NEBL: variants seen among roughly 807,000 people sequenced by gnomAD.
NEBL encodes the protein nebulette, also known as LIM and SH3 protein 2.
NEBL carries 122 observed loss-of-function variants against 140.2 expected under a neutral mutation model. The observed-to-expected ratio is 0.87, with a 90% CI of 0.75 to 1.01. The LOEUF is 1.01. NEBL is among the 50% of genes least tolerant of loss of function. The pLI, the probability that NEBL is intolerant of heterozygous loss-of-function variation, is 0.00. For synonymous variants in NEBL, 436 were observed against 398.9 expected, an observed-to-expected ratio of 1.09 and a Z score of -1.11; for missense variants, 1,365 against 1,231.3, an observed-to-expected ratio of 1.11 and a Z score of -1.62.
At chr10:20,913,565 G>A (rs184653174) in intron 4 of NEBL, among the ~76,000 whole-genome samples, 199 of 152,228 alleles carry the variant, frequency 1.3e-3, no homozygotes, top group Non-Finnish European at 2.2e-3. Context: ...AAAATGTTCA[G>A]TTTACTGGAA....
intron 3 of NEBL, among the ~76,000 whole-genome samples, chr10:21,013,925 G>A (rs752960288): frequency 1.3e-5 from 2 of 151,966 alleles, no homozygotes; most frequent in African/African-American, 4.8e-5. Flanking sequence ...ATTAAAAAAT[G>A]GGGAAAATGG....
At chr10:21,261,675 G>C (rs1842740973) in intron 1 of NEBL, among the ~76,000 whole-genome samples, 1 of 151,518 alleles carries the variant, frequency 6.6e-6, no homozygotes, top group South Asian at 2.1e-4. Flanking sequence ...AGAAAGAAAA[G>C]AAAAAAGTGT....
intron 2 of NEBL, among the ~76,000 whole-genome samples, chr10:21,115,011 T>C (rs58052801): frequency 6.6e-6 from 1 of 152,032 alleles, no homozygotes; most frequent in Non-Finnish European, 1.5e-5. Flanking sequence ...TAATTAAGTG[T>C]TTTTTATGAT....
intron 26 of NEBL, among the ~76,000 whole-genome samples, chr10:20,792,877 C>G (rs750352455): frequency 1.3e-4 from 20 of 152,154 alleles, no homozygotes; most frequent in Middle Eastern, 3.4e-3. Flanking sequence ...AACACACGGC[C>G]ATGGTATGGA....
At chr10:21,292,738 G>A (rs1843162140) in intron 1 of NEBL, among the ~76,000 whole-genome samples, 1 of 152,150 alleles carries the variant, frequency 6.6e-6, no homozygotes, top group Non-Finnish European at 1.5e-5. Flanking sequence ...CTTGTGAAAG[G>A]AAAGCTCATC....
At chr10:21,225,415 A>G (rs1179647385) in intron 3 of NEBL, among the ~76,000 whole-genome samples, 1 of 152,160 alleles carries the variant, frequency 6.6e-6, no homozygotes, top group Non-Finnish European at 1.5e-5. Flanking sequence ...TCAAGGACCT[A>G]GGGCTCTACA....
intron 1 of NEBL, among the ~76,000 whole-genome samples, chr10:21,289,543 C>T (rs1843114346): frequency 6.6e-6 from 1 of 152,114 alleles, no homozygotes; most frequent in African/African-American, 2.4e-5. Flanking sequence ...GGACGTTGTC[C>T]CTTACTGGTG....
At chr10:21,150,676 C>T (rs1290357708) in intron 2 of NEBL, among the ~76,000 whole-genome samples, 1 of 152,172 alleles carries the variant, frequency 6.6e-6, no homozygotes, top group African/African-American at 2.4e-5. Flanking sequence ...ATTACATGTT[C>T]CTAATTAATC....
rs780544476 is a variant in NEBL, at chr10:20,828,633, C to T, written c.1673G>A (p.Arg558Lys). Residue 558 changes from arginine (R) to lysine (K), a missense_variant and splice_region_variant, in exon 17 of 28, where the codon AGA becomes AAA. Physicochemically the swap from Arg to Lys is conservative, Grantham distance 26 (BLOSUM62 2). Around this residue, in one of 2 missense-constraint regions of NEBL, gnomAD observed 1,323 missense variants for 1,154.8 expected, o/e 1.15. Transcript: ENST00000377122. ...AKRTSEIYSQ[R>K]KYKDEAEKML... ...CTTCTCTGCTTCATCTTTATACTTTCTCTAAAAACATAAACAGTTAATATA... is the reference window on the plus strand; with the variant it reads ...CTTCTCTGCTTCATCTTTATACTTTTTCTAAAAACATAAACAGTTAATATA... 6.5e-7 allele frequency: 1 copy of T among 1,540,030 alleles called. No homozygotes were observed. Among genetic ancestry groups the T allele is most frequent in the Non-Finnish European group, 9.0e-7 (1 of 1,114,118 alleles).
At chr10:21,001,848 A>C (rs1443368465) in intron 3 of NEBL, among the ~76,000 whole-genome samples, 1 of 152,204 alleles carries the variant, frequency 6.6e-6, no homozygotes, top group Non-Finnish European at 1.5e-5. Flanking sequence ...GTTAGGTAGC[A>C]ATCTGATGTA....
intron 3 of NEBL, among the ~76,000 whole-genome samples, chr10:20,988,776 A>C (rs1315144760): frequency 6.6e-6 from 1 of 152,178 alleles, no homozygotes. Flanking sequence ...GTCCCACCAC[A>C]CCATGGAAAC....
At chr10:20,968,248 C>T (rs1288691213) in intron 3 of NEBL, among the ~76,000 whole-genome samples, 1 of 151,566 alleles carries the variant, frequency 6.6e-6, no homozygotes, top group Non-Finnish European at 1.5e-5. Flanking sequence ...CTCCTGCCTG[C>T]AATTGCAGGA....
At chr10:21,157,144 T>TTAGTGAAATCACAAAG in intron 2 of NEBL, among the ~76,000 whole-genome samples, 1 of 152,130 alleles carries the variant, frequency 6.6e-6, no homozygotes, top group Non-Finnish European at 1.5e-5. Context: ...CACAAAGATA[T>TTAGTGAAATCACAAAG]GCATGTCAAA....
intron 3 of NEBL, among the ~76,000 whole-genome samples, chr10:21,003,993 A>T (rs1838013939): frequency 1.3e-5 from 2 of 152,252 alleles, no homozygotes; most frequent in Admixed American, 1.3e-4. Context: ...AATGTGTATC[A>T]CGGCTAAAAA....
At chr10:21,041,737 G>A (rs910773546) in intron 2 of NEBL, among the ~76,000 whole-genome samples, 1 of 152,164 alleles carries the variant, frequency 6.6e-6, no homozygotes, top group East Asian at 1.9e-4. Context: ...CTGCTCGACT[G>A]AGTATACTTA....
Position 20,835,566 on chromosome 10 carries a change from T to C in NEBL, c.1396A>G (p.Thr466Ala), listed in dbSNP as rs762513159. 8 of 1,612,926 alleles carry C rather than the reference T, an allele frequency of 5.0e-6. No individual in the cohort carries two copies. In the South Asian group the frequency reaches 7.7e-5, roughly 15 times the overall value. The change falls in exon 14 of 28, where the codon ACT becomes GCT. Residue 466 changes from threonine to alanine, a missense_variant. This residue lies in a region of NEBL where 1,323 missense variants were observed against 1,154.8 expected (regional missense o/e 1.15). Transcript: ENST00000377122. ...GCATGCTGCATTTCAAGGGTGTCAGTGCCAGCTTGCATTCCTTTCCCTTTA... is the reference window on the plus strand; with the variant it reads ...GCATGCTGCATTTCAAGGGTGTCAGCGCCAGCTTGCATTCCTTTCCCTTTA... ...IIKGKGMQAG[T>A]DTLEMQHAKK...
chr10:21,117,897 G>A (rs1371561247), intron 2 of NEBL, among the ~76,000 whole-genome samples: 2 of 152,010 alleles, frequency 1.3e-5, no homozygotes, highest in African/African-American at 4.8e-5. Flanking sequence ...TCTAACCTGA[G>A]TCCACCTGAT....
intron 26 of NEBL, among the ~76,000 whole-genome samples, chr10:20,797,662 C>T (rs1322016811): frequency 6.6e-6 from 1 of 152,070 alleles, no homozygotes; most frequent in Non-Finnish European, 1.5e-5. Flanking sequence ...TATGAAGATT[C>T]CCTGCCAGGT....
chr10:21,111,097 CACAA>C (rs1837989526), intron 2 of NEBL, among the ~76,000 whole-genome samples: 1 of 152,060 alleles, frequency 6.6e-6, no homozygotes, highest in African/African-American at 2.4e-5. Context: ...TAAAAGAGGA[CACAA>C]ACAAATGGAA....
Sources: allele counts gnomAD v4.1 joint callset (sites outside exome capture counted in the v4.1 genomes callset), GRCh38; gene constraint gnomAD v4.1.1; regional missense constraint gnomAD v4.1.1; transcripts MANE v1.5; gene names NCBI Gene and HGNC (gene_info 2026-07-23, HGNC 2026-07-21).